The following FAM193A variants were observed in gnomAD, a reference collection of about 807,000 sequenced individuals.
FAM193A encodes family with sequence similarity 193 member A, also known as protein FAM193A.
FAM193A carries 22 observed loss-of-function variants against 126.5 expected under a neutral mutation model. The ratio of observed to expected loss-of-function variants is 0.17; its 90% CI spans 0.12 to 0.25. The LOEUF (loss-of-function observed/expected upper bound fraction) is 0.25, where lower values mean the gene tolerates loss of function less well. Ranked by LOEUF, FAM193A falls within the 10% of genes least tolerant of loss-of-function variation. The probability of loss-of-function intolerance (pLI) is 1.00; values close to 1 mark genes in which losing one functional copy is unlikely to be tolerated. For missense variants in FAM193A, 1,675 were observed against 1,672.8 expected (o/e 1.00, Z -0.02); for synonymous variants, 761 against 646.8 (o/e 1.18, Z -2.68).
At chr4:2,600,774 C>T (rs559900232) in intron 2 of FAM193A, among the ~76,000 whole-genome samples, 10 of 152,276 alleles carry the variant, frequency 6.6e-5, no homozygotes, top group African/African-American at 2.2e-4. Context: ...TTATTGTTTT[C>T]TTCTGCCTTG....
At chr4:2,668,947 G>A (rs1256300864) in intron 12 of FAM193A, among the ~76,000 whole-genome samples, 2 of 151,838 alleles carry the variant, frequency 1.3e-5, no homozygotes, top group Admixed American at 1.3e-4. Flanking sequence ...GGTTCAAGCA[G>A]TTCTCCTGCC....
intron 12 of FAM193A, among the ~76,000 whole-genome samples, chr4:2,671,809 C>CTAGT (rs1157402983): frequency 6.6e-6 from 1 of 152,222 alleles, no homozygotes; most frequent in Non-Finnish European, 1.5e-5. Flanking sequence ...GTCGTCTTCA[C>CTAGT]TAGTTCCCTT....
intron 13 of FAM193A, among the ~76,000 whole-genome samples, chr4:2,680,362 C>T (rs935382624): frequency 6.6e-6 from 1 of 152,144 alleles, no homozygotes; most frequent in African/African-American, 2.4e-5. Context: ...ACTCTGTCAC[C>T]CAGGCAGGAG....
intron 2 of FAM193A, among the ~76,000 whole-genome samples, chr4:2,618,126 T>G (rs1200677495): frequency 6.6e-6 from 1 of 152,196 alleles, no homozygotes; most frequent in Non-Finnish European, 1.5e-5. Context: ...CTCCTGCATA[T>G]GTAAGGTGAC....
intron 1 of FAM193A, among the ~76,000 whole-genome samples, chr4:2,583,636 C>G (rs1740075886): frequency 6.6e-6 from 1 of 152,150 alleles, no homozygotes; most frequent in Non-Finnish European, 1.5e-5. Context: ...GCAGGCTTTC[C>G]CAGTTTCTGC....
intron 20 of FAM193A, among the ~76,000 whole-genome samples, chr4:2,720,467 C>T (rs4690026): frequency 2.0e-5 from 3 of 152,126 alleles, no homozygotes; most frequent in South Asian, 4.1e-4. Flanking sequence ...GCCTGAGCAA[C>T]ATAGCAAGAT....
chr4:2,728,366 G>A (rs1009971495), intron 20 of FAM193A, among the ~76,000 whole-genome samples: 5 of 147,580 alleles, frequency 3.4e-5, no homozygotes, highest in Non-Finnish European at 7.4e-5. Flanking sequence ...TACCTCCCCA[G>A]CCCAACCCCA....
chr4:2,608,765 G>T (rs1741690058), intron 2 of FAM193A, among the ~76,000 whole-genome samples: 1 of 152,134 alleles, frequency 6.6e-6, no homozygotes, highest in Non-Finnish European at 1.5e-5. Flanking sequence ...CCTGCAAGGG[G>T]ACAGGCCTGA....
intron 1 of FAM193A, among the ~76,000 whole-genome samples, chr4:2,581,484 G>A (rs1014787171): frequency 3.3e-5 from 5 of 151,926 alleles, no homozygotes; most frequent in African/African-American, 1.2e-4. Context: ...CGACTCCTGA[G>A]CTCAGGCAAT....
chr4:2,581,517 G>C (rs991908286), intron 1 of FAM193A, among the ~76,000 whole-genome samples: 3 of 152,124 alleles, frequency 2.0e-5, no homozygotes, highest in African/African-American at 7.2e-5. Context: ...GCCTCCCAAA[G>C]TGCTGAGATT....
At chr4:2,600,230 C>G (rs1741118752) in intron 2 of FAM193A, among the ~76,000 whole-genome samples, 1 of 152,220 alleles carries the variant, frequency 6.6e-6, no homozygotes, top group African/African-American at 2.4e-5. Flanking sequence ...CCATCCCTAT[C>G]AGTCCATGGA....
intron 1 of FAM193A, among the ~76,000 whole-genome samples, chr4:2,541,348 A>T (rs1226899346): frequency 6.6e-6 from 1 of 152,166 alleles, no homozygotes; most frequent in Non-Finnish European, 1.5e-5. Context: ...ATAACAAAAA[A>T]CAAACAAAAT....
intron 2 of FAM193A, among the ~76,000 whole-genome samples, chr4:2,610,688 A>G (rs765881220): frequency 2.0e-5 from 3 of 151,546 alleles, no homozygotes; most frequent in Non-Finnish European, 2.9e-5. Flanking sequence ...AGACGTTTGT[A>G]TTTTCCAGTT....
At chr4:2,569,441 C>A (rs1189109681) in intron 1 of FAM193A, among the ~76,000 whole-genome samples, 2 of 152,140 alleles carry the variant, frequency 1.3e-5, no homozygotes, top group African/African-American at 4.8e-5. Flanking sequence ...ATTTTATTGT[C>A]ATATTTAAGC....
At chr4:2,701,445 C>A (rs1717722637) in intron 19 of FAM193A, among the ~76,000 whole-genome samples, 1 of 152,002 alleles carries the variant, frequency 6.6e-6, no homozygotes, top group African/African-American at 2.4e-5. Context: ...TTTAGAGGAT[C>A]CCTTGGTCAG....
chr4:2,625,931 C>G (rs1339873571), intron 3 of FAM193A, among the ~76,000 whole-genome samples: 1 of 152,004 alleles, frequency 6.6e-6, no homozygotes, highest in East Asian at 1.9e-4. Context: ...GCCATGTTGC[C>G]CAGGCTGGTC....
intron 5 of FAM193A, 29 bp from the exon 6 acceptor site, chr4:2,639,706 C>G (rs776555405): frequency 2.2e-5 from 35 of 1,593,954 alleles, no homozygotes; most frequent in Non-Finnish European, 2.9e-5. Flanking sequence ...ACTACATCTT[C>G]TGTTTATCTT....
At chr4:2,594,820 C>CTTTTTTTTTTTTTTTTTTTTTTTTTTTT (rs386399069) in intron 1 of FAM193A, among the ~76,000 whole-genome samples, 4 of 62,212 alleles carry the variant, frequency 6.4e-5, no homozygotes, top group Non-Finnish European at 8.3e-5. Flanking sequence ...TTTTCTTTTC[C>CTTTTTTTTTTTTTTTTTTTTTTTTTTTT]TTTTTTTTTT....
In FAM193A at chr4:2,562,470, C is replaced by T. The variant is rs77674005; in HGVS notation, c.255+25300C>T. ...CCTTTAAGATCATTTAAAATTTCGA[C>T]GACTGCTCTTCACCCCTTTCAAGAG... On this transcript the variant is annotated intron_variant, in intron 1 of 20. Transcript: ENST00000637812. 5.4e-3 allele frequency among the ~76,000 whole-genome samples: 821 copies of T among 152,106 alleles called. 56 individuals are homozygous for T. In the East Asian group the frequency reaches 0.14, roughly 25 times the overall value.
Sources: gnomAD v4.1 joint callset for allele counts (sites outside exome capture counted in the v4.1 genomes callset) on GRCh38, gnomAD v4.1.1 for gene constraint, MANE v1.5 for transcripts, NCBI Gene and HGNC (gene_info 2026-07-23, HGNC 2026-07-21) for gene names.